NPIPA6: variants seen among roughly 807,000 people sequenced by gnomAD.
NPIPA6 encodes the protein nuclear pore complex interacting protein family, member A6, also known as nuclear pore complex-interacting protein family member A6.
At chr16:16,333,478 C>CGCGAGGGGCTGCCATCACGGACGGT in the NPIPA6 span, among the ~76,000 whole-genome samples, 1 of 98,480 alleles carries the variant, frequency 1.0e-5, no homozygotes, top group African/African-American at 4.9e-5. Context: ...TGGCACATGT[C>CGCGAGGGGCTGCCATCACGGACGGT]GCGAGGGGCT....
the NPIPA6 span, among the ~76,000 whole-genome samples, chr16:16,338,270 TACTC>T: frequency 1.0e-4 from 7 of 70,198 alleles, no homozygotes; most frequent in Admixed American, 1.0e-3. Context: ...TGTCTGAACT[TACTC>T]AGGGGAAGTC....
At chr16:16,344,236 C>T in the NPIPA6 span, 5 of 11,142 alleles carry the variant, frequency 4.5e-4, no homozygotes, top group South Asian at 2.2e-3. Context: ...CTCACCTTCT[C>T]CTCTCCTCAC....
At chr16:16,343,649 G>T in the NPIPA6 span, among the ~76,000 whole-genome samples, 1 of 125,320 alleles carries the variant, frequency 8.0e-6, no homozygotes, top group South Asian at 2.8e-4. Context: ...GCCTGCCTCG[G>T]CCTCCCAAAG....
At chr16:16,343,250 G>T in the NPIPA6 span, among the ~76,000 whole-genome samples, 1 of 145,430 alleles carries the variant, frequency 6.9e-6, no homozygotes, top group Non-Finnish European at 1.5e-5. Flanking sequence ...GCGCCACCAT[G>T]CTCAGCTAAT....
chr16:16,337,142 C>T, the NPIPA6 span, among the ~76,000 whole-genome samples: 1 of 88,302 alleles, frequency 1.1e-5, no homozygotes, highest in African/African-American at 5.5e-5. Flanking sequence ...GCCGAGATGG[C>T]CCCGCTGCAC....
chr16:16,343,713 TTG>T, the NPIPA6 span, among the ~76,000 whole-genome samples: 12,016 of 80,326 alleles, frequency 0.15, 1,618 homozygotes, highest in Non-Finnish European at 0.18. Context: ...TTCTTGTGTG[TTG>T]TGTGTGTGTG....
At chr16:16,343,096 T>TA in the NPIPA6 span, among the ~76,000 whole-genome samples, 1 of 126,082 alleles carries the variant, frequency 7.9e-6, no homozygotes, top group Non-Finnish European at 1.7e-5. Context: ...TCATGTCATT[T>TA]TTTTTTTTTT....
chr16:16,343,522 G>A, the NPIPA6 span, among the ~76,000 whole-genome samples: 4 of 82,890 alleles, frequency 4.8e-5, no homozygotes, highest in African/African-American at 1.1e-4. Context: ...TCAGCCTCCC[G>A]ACTAGCTGGG....
At chr16:16,338,307 T>C in the NPIPA6 span, among the ~76,000 whole-genome samples, 2 of 89,938 alleles carry the variant, frequency 2.2e-5, no homozygotes, top group Admixed American at 1.2e-4. Flanking sequence ...CACATAAGAG[T>C]CTAATGGAAT....
the NPIPA6 span, among the ~76,000 whole-genome samples, chr16:16,343,133 A>AC: frequency 7.1e-6 from 1 of 140,294 alleles, no homozygotes; most frequent in African/African-American, 2.6e-5. Context: ...TCACTCTGTC[A>AC]CCAGGCTGGA....
At chr16:16,343,728 T>C in the NPIPA6 span, among the ~76,000 whole-genome samples, 1 of 80,326 alleles carries the variant, frequency 1.2e-5, no homozygotes, top group African/African-American at 5.0e-5. Context: ...TGTGTGTGTG[T>C]GTGTGTGTGT....
the NPIPA6 span, among the ~76,000 whole-genome samples, chr16:16,337,159 C>T: frequency 1.4e-3 from 132 of 97,490 alleles, 5 homozygotes; most frequent in East Asian, 0.028. Context: ...GCACTCTTGT[C>T]TCTAACAAAC....
At chr16:16,332,117 C>T in the NPIPA6 span, 1 of 204,068 alleles carries the variant, frequency 4.9e-6, no homozygotes, top group South Asian at 2.6e-5. Context: ...GGTCAACACA[C>T]TTGAGCAGCC....
the NPIPA6 span, among the ~76,000 whole-genome samples, chr16:16,343,728 T>TGCGC: frequency 3.9e-4 from 31 of 80,286 alleles, no homozygotes; most frequent in African/African-American, 1.4e-3. Flanking sequence ...TGTGTGTGTG[T>TGCGC]GTGTGTGTGT....
chr16:16,333,772 TCTACTGGGGGTCCTGCCGC>T, the NPIPA6 span: 1 of 628,834 alleles, frequency 1.6e-6, no homozygotes, highest in South Asian at 1.6e-5. Flanking sequence ...AGGTGAGGGC[TCTACTGGGGGTCCTGCCGC>T]CTTGGCGCAG....
the NPIPA6 span, chr16:16,332,086 C>T: frequency 4.4e-6 from 1 of 227,176 alleles, no homozygotes; most frequent in Non-Finnish European, 7.5e-6. Flanking sequence ...GAAAGGCGTC[C>T]ACCAAAGGCT....
chr16:16,338,174 T>A, the NPIPA6 span, among the ~76,000 whole-genome samples: 1 of 78,094 alleles, frequency 1.3e-5, no homozygotes, highest in Non-Finnish European at 2.3e-5. Context: ...TAATTCACCA[T>A]CTTGAAAGAA....
chr16:16,337,217 GT>G, the NPIPA6 span, among the ~76,000 whole-genome samples: 2 of 115,500 alleles, frequency 1.7e-5, 1 homozygote, highest in Non-Finnish European at 3.5e-5. Flanking sequence ...GTGTCATCTG[GT>G]TTGATGACTT....
At chr16:16,343,860 C>T in the NPIPA6 span, among the ~76,000 whole-genome samples, 1 of 34,098 alleles carries the variant, frequency 2.9e-5, no homozygotes, top group Non-Finnish European at 4.9e-5. Flanking sequence ...GCTCGGATTA[C>T]AGGCGCCCAC....
Sources: allele counts gnomAD v4.1 joint callset (sites outside exome capture counted in the v4.1 genomes callset), GRCh38; gene constraint gnomAD v4.1.1; transcripts MANE v1.5; gene names NCBI Gene and HGNC (gene_info 2026-07-23, HGNC 2026-07-21).